SLC4A4: variants seen among roughly 807,000 people sequenced by gnomAD.
SLC4A4 encodes the protein solute carrier family 4 member 4.
In SLC4A4, 27 loss-of-function variants were observed where a neutral mutation model predicts 111.5. The ratio of observed to expected loss-of-function variants is 0.24; its 90% CI spans 0.18 to 0.33. The LOEUF is 0.33. Ranked by LOEUF, SLC4A4 falls within the 10% of genes least tolerant of loss-of-function variation. The probability of loss-of-function intolerance (pLI) is 1.00; values close to 1 mark genes in which losing one functional copy is unlikely to be tolerated. For missense variants in SLC4A4, 909 were observed against 1,315.5 expected (o/e 0.69, Z 4.78); for synonymous variants, 443 against 463.4 (o/e 0.96, Z 0.57).
intron 2 of SLC4A4, among the ~76,000 whole-genome samples, chr4:71,173,546 A>G (rs937935394): frequency 6.6e-6 from 1 of 152,080 alleles, no homozygotes; most frequent in Admixed American, 6.6e-5. Flanking sequence ...ACGCCAGGCT[A>G]ATTTTTGTAT....
intron 6 of SLC4A4, among the ~76,000 whole-genome samples, chr4:71,395,999 T>G (rs1719793058): frequency 6.6e-6 from 1 of 152,216 alleles, no homozygotes; most frequent in Non-Finnish European, 1.5e-5. Flanking sequence ...CAAAATTGTC[T>G]GTACTCATCA....
chr4:71,418,171 A>G (rs1721987014), intron 7 of SLC4A4, among the ~76,000 whole-genome samples: 1 of 152,240 alleles, frequency 6.6e-6, no homozygotes, highest in Admixed American at 6.5e-5. Context: ...AGGAAATCAG[A>G]ACTAATGGAT....
At chr4:71,471,219 A>G (rs1305846169) in intron 13 of SLC4A4, among the ~76,000 whole-genome samples, 1 of 151,978 alleles carries the variant, frequency 6.6e-6, no homozygotes, top group Non-Finnish European at 1.5e-5. Flanking sequence ...TTCATCCTGC[A>G]AGTCTTTATT....
chr4:71,146,399 T>C (rs1744171696), intron 2 of SLC4A4, among the ~76,000 whole-genome samples: 1 of 152,166 alleles, frequency 6.6e-6, no homozygotes, highest in Non-Finnish European at 1.5e-5. Flanking sequence ...AGGTGTGGTG[T>C]GGTGCTGAAA....
intron 2 of SLC4A4, among the ~76,000 whole-genome samples, chr4:71,152,462 T>C (rs1744334503): frequency 6.6e-6 from 1 of 152,214 alleles, no homozygotes; most frequent in Admixed American, 6.5e-5. Flanking sequence ...CGAGATTATG[T>C]TTTTGAGAAT....
At chr4:71,191,099 G>A (rs915791500) in intron 1 of SLC4A4, among the ~76,000 whole-genome samples, 4 of 152,244 alleles carry the variant, frequency 2.6e-5, no homozygotes, top group African/African-American at 9.6e-5. Context: ...ATTTTGCCTA[G>A]TAGGCGAATG....
rs748195044 is a variant in SLC4A4 at position 71,466,439 on chromosome 4, T to G, written c.1498-5T>G. On this transcript the variant is annotated splice_region_variant and splice_polypyrimidine_tract_variant and intron_variant, in intron 12 of 25. Coordinates refer to ENST00000264485, the MANE Select transcript of SLC4A4 (RefSeq NM_001098484.3). ...CATTTAACATCTATATTTTCTTTAT[T>G]TTAGGGCGTGTTGGAGAGTTTCCTG... 2.4e-5 allele frequency: 38 copies of G among 1,613,374 alleles called. No individual in the cohort carries two copies. The highest frequency in any genetic ancestry group is 3.1e-5 in the Non-Finnish European group (36 of 1,179,612).
chr4:71,252,815 G>A (rs574231340), intron 2 of SLC4A4, among the ~76,000 whole-genome samples: 1 of 152,192 alleles, frequency 6.6e-6, no homozygotes, highest in East Asian at 1.9e-4. Context: ...TCTAAAATTG[G>A]ATTATGATGA....
At chr4:71,370,643 A>C (rs1480586947) in intron 6 of SLC4A4, among the ~76,000 whole-genome samples, 4 of 152,244 alleles carry the variant, frequency 2.6e-5, no homozygotes, top group Non-Finnish European at 4.4e-5. Context: ...ATTAAATTAG[A>C]AATATCTAAA....
intron 14 of SLC4A4, among the ~76,000 whole-genome samples, chr4:71,482,079 A>T (rs974815624): frequency 6.6e-6 from 1 of 151,644 alleles, no homozygotes; most frequent in Non-Finnish European, 1.5e-5. Flanking sequence ...TTGGTTGCCA[A>T]AATATTTGCA....
intron 1 of SLC4A4, among the ~76,000 whole-genome samples, chr4:71,221,342 G>A (rs1024422599): frequency 8.5e-5 from 13 of 152,078 alleles, no homozygotes; most frequent in Non-Finnish European, 1.6e-4. Flanking sequence ...GGGATGTAAC[G>A]TCCTTCCACA....
chr4:71,320,951 A>G (rs1338743327), intron 3 of SLC4A4, among the ~76,000 whole-genome samples: 1 of 152,072 alleles, frequency 6.6e-6, no homozygotes, highest in Non-Finnish European at 1.5e-5. Context: ...AACTGAGGTT[A>G]TCTCTAGATG....
At chr4:71,499,232 G>A (rs1312927030) in intron 16 of SLC4A4, among the ~76,000 whole-genome samples, 4 of 152,110 alleles carry the variant, frequency 2.6e-5, no homozygotes, top group Non-Finnish European at 4.4e-5. Flanking sequence ...TGGAAAATTT[G>A]TGAAGCACTT....
At chr4:71,181,174 A>G (rs1020794882) in intron 2 of SLC4A4, among the ~76,000 whole-genome samples, 2 of 133,618 alleles carry the variant, frequency 1.5e-5, no homozygotes, top group Admixed American at 8.5e-5. Context: ...ATGAGAACAC[A>G]TGGACACAGG....
intron 2 of SLC4A4, among the ~76,000 whole-genome samples, chr4:71,164,560 CAAACA>C (rs1198359864): frequency 6.6e-6 from 1 of 151,232 alleles, no homozygotes; most frequent in Non-Finnish European, 1.5e-5. Context: ...AACAAACAAA[CAAACA>C]AAAAAACCCG....
At chr4:71,198,019 G>C (rs892351800) in intron 1 of SLC4A4, among the ~76,000 whole-genome samples, 2 of 152,120 alleles carry the variant, frequency 1.3e-5, no homozygotes, top group African/African-American at 4.8e-5. Flanking sequence ...TGAACTAAGA[G>C]TTTGAAGTCC....
chr4:71,284,005 T>A (rs1261815151), intron 3 of SLC4A4, among the ~76,000 whole-genome samples: 1 of 152,218 alleles, frequency 6.6e-6, no homozygotes, highest in Non-Finnish European at 1.5e-5. Context: ...TTGTCTTGAC[T>A]TCTAAAGTCT....
intron 3 of SLC4A4, among the ~76,000 whole-genome samples, chr4:71,317,661 G>A (rs936870904): frequency 3.3e-5 from 5 of 151,972 alleles, no homozygotes; most frequent in South Asian, 4.1e-4. Context: ...TCTCCTGTTT[G>A]GACAGTGGGA....
chr4:71,092,995 T>C (rs1344715135), intron 2 of SLC4A4, among the ~76,000 whole-genome samples: 1 of 151,050 alleles, frequency 6.6e-6, no homozygotes, highest in East Asian at 2.0e-4. Context: ...CTCGGGAGGC[T>C]GAGGCAGGAG....
Sources: gnomAD v4.1 joint callset for allele counts (sites outside exome capture counted in the v4.1 genomes callset) on GRCh38, gnomAD v4.1.1 for gene constraint, MANE v1.5 for transcripts, NCBI Gene and HGNC (gene_info 2026-07-23, HGNC 2026-07-21) for gene names.